The following CHN2 variants were observed in gnomAD, a reference collection of about 807,000 sequenced individuals.
CHN2 encodes beta-chimaerin.
In CHN2, 35 loss-of-function variants were observed where a neutral mutation model predicts 56.3. That is an observed-to-expected ratio of 0.62 (90% confidence interval 0.47 to 0.82). CHN2 has a LOEUF of 0.82. Among genes scored for constraint, CHN2 ranks in the 40% least tolerant of loss-of-function variants. The pLI is 0.00. For missense variants in CHN2, 491 were observed against 580.5 expected (o/e 0.85, Z 1.58); for synonymous variants, 210 against 212.8 (o/e 0.99, Z 0.12).
intron 3 of CHN2, among the ~76,000 whole-genome samples, chr7:29,374,893 C>CTT (rs201800010): frequency 7.4e-5 from 10 of 134,552 alleles, no homozygotes; most frequent in African/African-American, 2.7e-4. Flanking sequence ...TTCTCTCTTT[C>CTT]TTTTTTTTTT....
At chr7:29,341,623 AG>A (rs900336603) in intron 1 of CHN2, among the ~76,000 whole-genome samples, 1 of 148,038 alleles carries the variant, frequency 6.8e-6, no homozygotes, top group Non-Finnish European at 1.5e-5. Context: ...GGAGAGAGGG[AG>A]GGGGGCATCT....
rs1478156800 is a variant in CHN2, at chr7:29,509,408, T to C, written c.1235+2T>C. 5.0e-6 allele frequency: 8 copies of C among 1,611,144 alleles called. No homozygotes were observed. ...GTACCTAATGATCCACCTCAAAAAG[T>C]AAGCTCATGTCTCGTGCACAAAGCC... On this transcript the variant is annotated splice_donor_variant, in intron 12 of 12. Transcript: ENST00000222792. LOFTEE classifies it high-confidence loss of function.
chr7:29,399,380 C>T (rs17157879), intron 5 of CHN2, among the ~76,000 whole-genome samples: 13,961 of 152,176 alleles, frequency 0.092, 717 homozygotes, highest in East Asian at 0.18. Context: ...AGGAACCTGT[C>T]GTGAGGGCAG....
chr7:29,415,540 G>T (rs1013994803), intron 6 of CHN2, among the ~76,000 whole-genome samples: 60 of 152,368 alleles, frequency 3.9e-4, no homozygotes, highest in African/African-American at 1.4e-3. Context: ...GGCAGAGAAG[G>T]CCCTTCTAAG....
At chr7:29,249,767 T>C (rs1788347524) in intron 1 of CHN2, among the ~76,000 whole-genome samples, 1 of 152,164 alleles carries the variant, frequency 6.6e-6, no homozygotes, top group Admixed American at 6.5e-5. Context: ...GAATAAATTG[T>C]CAAAAAAGAC....
chr7:29,146,881 A>C, exon 2 of CHN2: 1 of 1,551,212 alleles, frequency 6.4e-7, no homozygotes, highest in East Asian at 2.4e-5. Flanking sequence ...TTACATTTGG[A>C]AAGCGAGTGG....
At chr7:29,344,424 T>G (rs946092416) in intron 1 of CHN2, among the ~76,000 whole-genome samples, 5 of 152,150 alleles carry the variant, frequency 3.3e-5, no homozygotes, top group African/African-American at 1.2e-4. Context: ...ACTTACTTCT[T>G]TAATATAATC....
rs115086678 is a variant in CHN2 at position 29,320,380 on chromosome 7, G to T, written c.50-34245G>T. ...CCTGCAGGGGGGTGCTAATCAGGTT[G>T]ACAGAGCCCTGCAGGTCTGAATAAC... is the stretch of plus-strand genomic sequence containing the variant. On this transcript the variant is annotated intron_variant, in intron 1 of 12. Coordinates refer to ENST00000222792, the MANE Select transcript of CHN2 (RefSeq NM_004067.4). Among the ~76,000 whole-genome samples the T allele has an allele frequency of 9.1e-3, 1,382 of 152,274 alleles. 20 individuals are homozygous for T. Among genetic ancestry groups the T allele is most frequent in the African/African-American group, 0.032 (1,322 of 41,576 alleles).
rs2128607779 is a variant in CHN2, at chr7:29,513,614, A to ACTTACCCTCTTTTCTT, written c.*881_*896dup. ...TATCTGGTCTGTGTAAAAAGTTAGC[A>ACTTACCCTCTTTTCTT]CTTACCCTCTTTTCTTCCTGGCCAA... On this transcript the variant is annotated 3_prime_UTR_variant, in exon 13 of 13. Coordinates refer to ENST00000222792, the MANE Select transcript of CHN2 (RefSeq NM_004067.4). 8.7e-6 allele frequency: 1 copy of ACTTACCCTCTTTTCTT among 115,248 alleles called. No homozygotes were observed. The highest frequency in any genetic ancestry group is 1.8e-5 in the Non-Finnish European group (1 of 55,564). 7.1% of individuals were successfully genotyped at this position (115,248 alleles called of 1,614,324 possible).
At chr7:29,416,392 A>T (rs1562590384) in intron 6 of CHN2, among the ~76,000 whole-genome samples, 1 of 152,248 alleles carries the variant, frequency 6.6e-6, no homozygotes, top group East Asian at 1.9e-4. Context: ...AAATGTTGTT[A>T]CTTAAGAGAG....
intron 1 of CHN2, among the ~76,000 whole-genome samples, chr7:29,318,756 C>G (rs183141557): frequency 6.6e-6 from 1 of 152,206 alleles, no homozygotes; most frequent in Non-Finnish European, 1.5e-5. Context: ...CCTAAATTAA[C>G]AGATTCTGCA....
chr7:29,389,004 G>T (rs1038415302), intron 3 of CHN2, among the ~76,000 whole-genome samples: 7 of 152,172 alleles, frequency 4.6e-5, no homozygotes, highest in African/African-American at 1.7e-4. Flanking sequence ...CAGTCACCTT[G>T]GGAAGCTCTG....
chr7:29,483,893 C>T lies in CHN2; in HGVS notation c.654+3537C>T, dbSNP rs1025669578. ...TTCCAAAGAGCTCAGCTCTCTCTGC[C>T]TCAGTTCCCTCATCTATAAAATGGG... On this transcript the variant is annotated intron_variant, in intron 7 of 12. Transcript: ENST00000222792. 1.2e-5 allele frequency: 16 copies of T among 1,302,532 alleles called. No homozygotes were observed. In the African/African-American group the frequency reaches 2.1e-4, roughly 17 times the overall value. The allele number at this position is 1,302,532 out of a possible 1,614,324, so 80.7% of individuals were successfully genotyped here. A position where few individuals can be genotyped will look rare whatever the true frequency, so the allele number is the denominator to read the frequency against.
At chr7:29,507,423 A>G in intron 11 of CHN2, 58 bp downstream of exon 11, 1 of 1,289,040 alleles carries the variant, frequency 7.8e-7, no homozygotes, top group Non-Finnish European at 1.1e-6. Context: ...AGTGCTTTTG[A>G]CCTTCAGATA....
chr7:29,428,361 G>A (rs1805093896), intron 6 of CHN2, among the ~76,000 whole-genome samples: 1 of 152,164 alleles, frequency 6.6e-6, no homozygotes, highest in African/African-American at 2.4e-5. Flanking sequence ...CTTGCATCAT[G>A]GTCCAATGGG....
chr7:29,368,106 T>C lies in CHN2; in HGVS notation c.144+119T>C, dbSNP rs1231973823. The C allele has an allele frequency of 6.9e-6, 5 of 721,806 alleles. No individual in the cohort carries two copies. In the African/African-American group the frequency reaches 9.1e-5, roughly 13 times the overall value. 44.7% of individuals were successfully genotyped at this position (721,806 alleles called of 1,614,324 possible). A position where few individuals can be genotyped will look rare whatever the true frequency, so the allele number is the denominator to read the frequency against. Reference sequence around the variant, plus strand: ...TGATTTCTATTAACATTTGTTGGAGTGTCAAAAAATTTAACATCTTCATAA... The same window carrying C: ...TGATTTCTATTAACATTTGTTGGAGCGTCAAAAAATTTAACATCTTCATAA... On this transcript the variant is annotated intron_variant, in intron 3 of 12. Coordinates refer to ENST00000222792, the MANE Select transcript of CHN2 (RefSeq NM_004067.4).
intron 2 of CHN2, among the ~76,000 whole-genome samples, chr7:29,163,636 C>G (rs548577642): frequency 6.6e-6 from 1 of 152,134 alleles, no homozygotes; most frequent in South Asian, 2.1e-4. Flanking sequence ...ATGTATGAAC[C>G]CATGAAACCC....
chr7:29,396,459 CAAAAAAA>C lies in CHN2; in HGVS notation c.177-1894_177-1888del, dbSNP rs35163855. Reference sequence around the variant, plus strand: ...TTAGGCTACAGAGTGAGACTCTCTCCAAAAAAAAAAAAAAAAAAAAAAAAAATCTAGC... The same window carrying C: ...TTAGGCTACAGAGTGAGACTCTCTCCAAAAAAAAAAAAAAAAAAATCTAGC... On this transcript the variant is annotated intron_variant, in intron 4 of 12. Transcript: ENST00000222792. Among the ~76,000 whole-genome samples the C allele has an allele frequency of 7.4e-4, 42 of 56,528 alleles. No homozygotes were observed. The South Asian group carries it at 0.014, about 19-fold the overall frequency. 37.1% of individuals were successfully genotyped at this position (56,528 alleles called of 152,430 possible). A position where few individuals can be genotyped will look rare whatever the true frequency, so the allele number is the denominator to read the frequency against.
At chr7:29,350,244 C>G (rs1393783820) in intron 1 of CHN2, among the ~76,000 whole-genome samples, 12 of 152,068 alleles carry the variant, frequency 7.9e-5, no homozygotes, top group Admixed American at 7.9e-4. Flanking sequence ...TTTCATTTTC[C>G]TCATTTGCCA....
Sources: allele counts gnomAD v4.1 joint callset (sites outside exome capture counted in the v4.1 genomes callset), GRCh38; gene constraint gnomAD v4.1.1; transcripts MANE v1.5; gene names NCBI Gene and HGNC (gene_info 2026-07-23, HGNC 2026-07-21).